The following SLC24A2 variants were observed in gnomAD, a reference collection of about 807,000 sequenced individuals.
The protein encoded by SLC24A2 is solute carrier family 24 member 2, also known as sodium/potassium/calcium exchanger 2.
A neutral mutation model predicts 62.0 loss-of-function variants in SLC24A2; 36 were observed. That is an observed-to-expected ratio of 0.58 (90% CI 0.44 to 0.77). SLC24A2 has a LOEUF of 0.77. Ranked by LOEUF, SLC24A2 falls within the 30% of genes least tolerant of loss-of-function variation. The probability of loss-of-function intolerance (pLI) is 0.00; values close to 1 mark genes in which losing one functional copy is unlikely to be tolerated. For missense variants in SLC24A2, 846 were observed against 817.9 expected, an observed-to-expected ratio of 1.03 and a Z score of -0.42; for synonymous variants, 358 against 294.0, an observed-to-expected ratio of 1.22 and a Z score of -2.23.
At chr9:19,854,042 T>C in the SLC24A2 span, among the ~76,000 whole-genome samples, 2 of 152,226 alleles carry the variant, frequency 1.3e-5, no homozygotes, top group African/African-American at 2.4e-5. Flanking sequence ...AGGGTGTATG[T>C]GTCCAGGAAT....
At chr9:19,652,215 C>T (rs1818821799) in intron 2 of SLC24A2, among the ~76,000 whole-genome samples, 1 of 152,098 alleles carries the variant, frequency 6.6e-6, no homozygotes, top group Non-Finnish European at 1.5e-5. Flanking sequence ...TAGCTCCTGG[C>T]TTTTTGTTTG....
the SLC24A2 span, among the ~76,000 whole-genome samples, chr9:20,159,874 GAAGA>G: frequency 6.6e-6 from 1 of 151,476 alleles, no homozygotes; most frequent in African/African-American, 2.4e-5. Context: ...CATGCCATCT[GAAGA>G]AATAAGCACA....
At chr9:19,967,941 G>C in the SLC24A2 span, 3 of 152,126 alleles carry the variant, frequency 2.0e-5, no homozygotes, top group Admixed American at 1.3e-4. Context: ...GGTTGGATTT[G>C]AAATAACTTT....
At chr9:19,635,605 T>G (rs1818291729) in intron 2 of SLC24A2, among the ~76,000 whole-genome samples, 1 of 152,162 alleles carries the variant, frequency 6.6e-6, no homozygotes, top group African/African-American at 2.4e-5. Context: ...AGTCCCAAAG[T>G]GAAAGACCGT....
At chr9:19,984,500 G>A in the SLC24A2 span, among the ~76,000 whole-genome samples, 1 of 152,172 alleles carries the variant, frequency 6.6e-6, no homozygotes, top group Non-Finnish European at 1.5e-5. Context: ...GAGGTCAGGA[G>A]TTCAAGACCA....
At chr9:19,706,262 C>CT (rs1275379038) in intron 2 of SLC24A2, among the ~76,000 whole-genome samples, 9 of 151,518 alleles carry the variant, frequency 5.9e-5, no homozygotes, top group African/African-American at 1.9e-4. Flanking sequence ...CAACCCCTGC[C>CT]TTTTTTTGTT....
At chr9:19,735,449 C>T (rs1251940883) in intron 2 of SLC24A2, among the ~76,000 whole-genome samples, 11 of 152,064 alleles carry the variant, frequency 7.2e-5, no homozygotes, top group South Asian at 6.2e-4. Flanking sequence ...GTCAGTGTGG[C>T]GATTCCTCAG....
chr9:19,725,700 A>G (rs1190716509), intron 2 of SLC24A2, among the ~76,000 whole-genome samples: 1 of 152,196 alleles, frequency 6.6e-6, no homozygotes, highest in South Asian at 2.1e-4. Flanking sequence ...AAAGGCCACC[A>G]TGACTGCAAT....
intron 2 of SLC24A2, among the ~76,000 whole-genome samples, chr9:19,708,437 T>C (rs13287245): frequency 0.42 from 63,058 of 151,940 alleles, 14,715 homozygotes; most frequent in African/African-American, 0.65. Context: ...AAAAAGAGCC[T>C]GCATCACCAA....
At chr9:19,526,878 A>G (rs1010033905) in intron 9 of SLC24A2, among the ~76,000 whole-genome samples, 3 of 152,070 alleles carry the variant, frequency 2.0e-5, no homozygotes, top group African/African-American at 7.2e-5. Flanking sequence ...TCTTGCTTTC[A>G]TGGATCATGC....
chr9:19,811,517 C>G, the SLC24A2 span, among the ~76,000 whole-genome samples: 1 of 152,046 alleles, frequency 6.6e-6, no homozygotes, highest in Non-Finnish European at 1.5e-5. Context: ...TTCCTGCTTT[C>G]TTTGGAATTA....
rs1188702747 is a variant in SLC24A2, at chr9:19,632,625, A to AT, written c.931-10327dup. ...TAGGTGGCAGGTATTATTAGGAAAC[A>AT]TTTTTAATAACTTCTTATTTGGAAA... On this transcript the variant is annotated intron_variant, in intron 2 of 10. Coordinates refer to ENST00000341998, the MANE Select transcript of SLC24A2 (RefSeq NM_020344.4). The surrounding 1 kb of genome is among the most constrained non-coding windows in gnomAD (Gnocchi z 4.5). Among the ~76,000 whole-genome samples, 1 of 152,218 alleles carries AT rather than the reference A, an allele frequency of 6.6e-6. No individual in the cohort carries two copies. The highest frequency in any genetic ancestry group is 1.9e-4 in the East Asian group (1 of 5,200).
chr9:19,543,710 G>C (rs112187436), intron 8 of SLC24A2, among the ~76,000 whole-genome samples: 68 of 152,284 alleles, frequency 4.5e-4, no homozygotes, highest in African/African-American at 1.6e-3. Context: ...TCAGGAGCAT[G>C]TTGTTCAATT....
the SLC24A2 span, among the ~76,000 whole-genome samples, chr9:20,003,997 A>G: frequency 1.3e-5 from 2 of 152,084 alleles, no homozygotes; most frequent in African/African-American, 2.4e-5. Context: ...AACCTTACAT[A>G]TATGTAATTA....
chr9:19,707,314 T>A (rs1269990780), intron 2 of SLC24A2, among the ~76,000 whole-genome samples: 1 of 152,212 alleles, frequency 6.6e-6, no homozygotes, highest in Non-Finnish European at 1.5e-5. Flanking sequence ...CACAGCCGAA[T>A]TCTACCAGAG....
chr9:20,205,361 A>G, the SLC24A2 span, among the ~76,000 whole-genome samples: 1 of 152,260 alleles, frequency 6.6e-6, no homozygotes, highest in Non-Finnish European at 1.5e-5. Context: ...ATAAAAACTA[A>G]GGTTAGGCCG....
At chr9:20,231,525 GCTCT>G in the SLC24A2 span, among the ~76,000 whole-genome samples, 208 of 152,100 alleles carry the variant, frequency 1.4e-3, no homozygotes, top group African/African-American at 4.3e-3. Flanking sequence ...TCATGATTTG[GCTCT>G]CTGTTTGTCT....
the SLC24A2 span, among the ~76,000 whole-genome samples, chr9:19,886,683 C>T: frequency 6.6e-6 from 1 of 152,242 alleles, no homozygotes; most frequent in South Asian, 2.1e-4. Context: ...ACCATTTGAC[C>T]CAGCAATCCC....
At chr9:19,895,553 T>TTTTTTC in the SLC24A2 span, among the ~76,000 whole-genome samples, 1 of 151,282 alleles carries the variant, frequency 6.6e-6, no homozygotes, top group Non-Finnish European at 1.5e-5. Flanking sequence ...TTTCTTTTTT[T>TTTTTTC]TTTTTTTTTT....
Sources: allele counts gnomAD v4.1 joint callset (sites outside exome capture counted in the v4.1 genomes callset), GRCh38; gene constraint gnomAD v4.1.1; non-coding constraint Gnocchi (gnomAD v3.1); transcripts MANE v1.5; gene names NCBI Gene and HGNC (gene_info 2026-07-23, HGNC 2026-07-21).